Variants in ATRNL1 observed in about 807,000 individuals in gnomAD.
ATRNL1 encodes attractin-like protein 1.
ATRNL1 carries 95 observed loss-of-function variants against 182.7 expected under a neutral mutation model. The observed-to-expected ratio is 0.52, with a 90% CI of 0.44 to 0.62. The LOEUF (loss-of-function observed/expected upper bound fraction) is 0.62, where lower values mean the gene tolerates loss of function less well. Ranked by LOEUF, ATRNL1 falls within the 20% of genes least tolerant of loss-of-function variation. ATRNL1 has a pLI of 0.00. For synonymous variants in ATRNL1, 576 were observed against 568.3 expected, an observed-to-expected ratio of 1.01 and a Z score of -0.19; for missense variants, 1,471 against 1,679.5, an observed-to-expected ratio of 0.88 and a Z score of 2.17.
At chr10:115,785,089 G>A (rs1384759315) in intron 27 of ATRNL1, among the ~76,000 whole-genome samples, 2 of 152,206 alleles carry the variant, frequency 1.3e-5, no homozygotes, top group African/African-American at 4.8e-5. Context: ...ACCAGGTATA[G>A]GTAAGACTGT....
intron 27 of ATRNL1, among the ~76,000 whole-genome samples, chr10:115,835,732 A>T (rs1310799609): frequency 1.3e-5 from 2 of 152,154 alleles, no homozygotes; most frequent in Non-Finnish European, 2.9e-5. Context: ...TGAGCCTCTC[A>T]TTTTCACAGC....
intron 27 of ATRNL1, among the ~76,000 whole-genome samples, chr10:115,748,438 G>A (rs1948355264): frequency 1.3e-5 from 2 of 150,276 alleles, no homozygotes; most frequent in African/African-American, 4.9e-5. Flanking sequence ...ACATGCAAAT[G>A]GAGATTTTTC....
At chr10:115,187,561 C>A (rs1402565997) in intron 8 of ATRNL1, among the ~76,000 whole-genome samples, 1 of 150,406 alleles carries the variant, frequency 6.6e-6, no homozygotes, top group Admixed American at 6.6e-5. Context: ...ATTATGTACT[C>A]AGTTCACAAA....
intron 24 of ATRNL1, among the ~76,000 whole-genome samples, chr10:115,508,033 T>C (rs1424018297): frequency 6.6e-6 from 1 of 152,078 alleles, no homozygotes; most frequent in Non-Finnish European, 1.5e-5. Context: ...TAACCATAGG[T>C]TAAGCAAGTC....
chr10:115,507,945 G>T (rs1245844618), intron 24 of ATRNL1, among the ~76,000 whole-genome samples: 1 of 151,874 alleles, frequency 6.6e-6, no homozygotes, highest in Non-Finnish European at 1.5e-5. Context: ...GCTGGTATAG[G>T]CATACCTTGT....
intron 17 of ATRNL1, among the ~76,000 whole-genome samples, chr10:115,309,527 G>A (rs1034991995): frequency 3.3e-5 from 5 of 151,912 alleles, no homozygotes; most frequent in East Asian, 1.9e-4. Flanking sequence ...TTTTATTTTT[G>A]CAGCTGTTGT....
chr10:115,124,432 A>G (rs1484480489), intron 3 of ATRNL1, among the ~76,000 whole-genome samples: 1 of 152,162 alleles, frequency 6.6e-6, no homozygotes, highest in Non-Finnish European at 1.5e-5. Context: ...CTGGGTCCTC[A>G]GAATGTGTTA....
At chr10:115,172,553 C>G (rs1025680311) in intron 8 of ATRNL1, among the ~76,000 whole-genome samples, 9 of 151,930 alleles carry the variant, frequency 5.9e-5, no homozygotes, top group Non-Finnish European at 1.5e-5. Context: ...TCCATTGTTA[C>G]GTTCTAGACC....
chr10:115,652,854 T>C (rs545617802), intron 26 of ATRNL1, among the ~76,000 whole-genome samples: 4 of 152,270 alleles, frequency 2.6e-5, no homozygotes, highest in African/African-American at 7.2e-5. Context: ...TGTCATTTAT[T>C]ATAGATGAAT....
At chr10:115,454,690 C>T (rs1230791017) in intron 21 of ATRNL1, among the ~76,000 whole-genome samples, 1 of 151,864 alleles carries the variant, frequency 6.6e-6, no homozygotes, top group Non-Finnish European at 1.5e-5. Flanking sequence ...ATTTCTTTTT[C>T]AGATAGTTCA....
At chr10:115,753,784 T>C (rs1307150712) in intron 27 of ATRNL1, among the ~76,000 whole-genome samples, 2 of 152,178 alleles carry the variant, frequency 1.3e-5, no homozygotes, top group Non-Finnish European at 2.9e-5. Flanking sequence ...TAATTTACAC[T>C]CCCACCAACA....
intron 26 of ATRNL1, among the ~76,000 whole-genome samples, chr10:115,691,038 C>A (rs1443477628): frequency 1.3e-5 from 2 of 152,160 alleles, no homozygotes; most frequent in Non-Finnish European, 2.9e-5. Flanking sequence ...TTTCCTGTGG[C>A]ATCTCTGTTA....
At chr10:115,874,533 A>G (rs1951657437) in intron 28 of ATRNL1, among the ~76,000 whole-genome samples, 1 of 152,254 alleles carries the variant, frequency 6.6e-6, no homozygotes, top group Non-Finnish European at 1.5e-5. Context: ...GGAATACAAA[A>G]GAACATTTAG....
At chr10:115,255,497 G>C (rs1851083590) in intron 10 of ATRNL1, among the ~76,000 whole-genome samples, 1 of 152,198 alleles carries the variant, frequency 6.6e-6, no homozygotes, top group Non-Finnish European at 1.5e-5. Context: ...TGTATCCTGA[G>C]ACTTTGCTAA....
intron 1 of ATRNL1, among the ~76,000 whole-genome samples, chr10:115,101,516 G>T (rs1214762863): frequency 1.3e-5 from 2 of 152,032 alleles, no homozygotes; most frequent in African/African-American, 2.4e-5. Flanking sequence ...CATAATTTTT[G>T]AATGTTAAAC....
chr10:115,193,660 CTTCAT>C, intron 8 of ATRNL1, among the ~76,000 whole-genome samples: 1 of 151,606 alleles, frequency 6.6e-6, no homozygotes, highest in East Asian at 1.9e-4. Context: ...CAAAAATAAA[CTTCAT>C]TTCATTGACC....
intron 26 of ATRNL1, among the ~76,000 whole-genome samples, chr10:115,668,526 A>G (rs1555040401): frequency 1.3e-5 from 2 of 152,214 alleles, no homozygotes; most frequent in East Asian, 3.9e-4. Context: ...AAGTTTAACT[A>G]ACATATCTGT....
At position 115,768,114 on chromosome 10, in the gene ATRNL1, A is replaced by G. The variant is rs114835437; in HGVS notation, c.3903+40759A>G. On this transcript the variant is annotated intron_variant, in intron 27 of 28. Transcript: ENST00000355044. ...TTCTTATTCATTTCCTGCACAGCCT[A>G]TAATTTGTGTGCTACCTCTTCCAGT... 7.6e-3 allele frequency among the ~76,000 whole-genome samples: 1,163 copies of G among 152,266 alleles called. 12 individuals are homozygous for G. The highest frequency in any genetic ancestry group is 0.024 in the African/African-American group (977 of 41,570).
At chr10:115,659,011 C>T (rs760988221) in intron 26 of ATRNL1, among the ~76,000 whole-genome samples, 2 of 152,056 alleles carry the variant, frequency 1.3e-5, no homozygotes, top group Non-Finnish European at 2.9e-5. Context: ...AGAATGTACT[C>T]ACTATCAGGA....
Sources: allele counts gnomAD v4.1 joint callset (sites outside exome capture counted in the v4.1 genomes callset), GRCh38; gene constraint gnomAD v4.1.1; transcripts MANE v1.5; gene names NCBI Gene and HGNC (gene_info 2026-07-23, HGNC 2026-07-21).